The following PEBP4 variants were observed in gnomAD, a reference collection of about 807,000 sequenced individuals.
PEBP4 encodes phosphatidylethanolamine-binding protein 4.
PEBP4 carries 22 observed loss-of-function variants against 23.9 expected under a neutral mutation model. The observed-to-expected ratio is 0.92, with a 90% confidence interval of 0.66 to 1.31. The LOEUF is 1.31. PEBP4 is among the 40% of genes most tolerant of loss of function. PEBP4 has a pLI of 0.00. For missense variants in PEBP4, 324 were observed against 281.7 expected, an observed-to-expected ratio of 1.15 and a Z score of -1.07; for synonymous variants, 112 against 99.3, an observed-to-expected ratio of 1.13 and a Z score of -0.76.
At chr8:22,920,922 T>G (rs1809185868) in intron 2 of PEBP4, among the ~76,000 whole-genome samples, 1 of 152,232 alleles carries the variant, frequency 6.6e-6, no homozygotes. Flanking sequence ...GGTAAAACAC[T>G]GGCTCACTAA....
intron 4 of PEBP4, among the ~76,000 whole-genome samples, chr8:22,763,387 C>T (rs987329692): frequency 6.6e-6 from 1 of 152,244 alleles, no homozygotes; most frequent in African/African-American, 2.4e-5. Flanking sequence ...ATTCTTGGCT[C>T]TGGACACTGC....
rs530177603 is a variant in PEBP4 at position 22,876,136 on chromosome 8, C to T, written c.258+44048G>A. ...ATGTTGCCCAGGCTGGTCTAGAACTCCGGGCCTCAAGTGATACACCAGCCT... is the reference window on the plus strand; with the variant it reads ...ATGTTGCCCAGGCTGGTCTAGAACTTCGGGCCTCAAGTGATACACCAGCCT... On this transcript the variant is annotated intron_variant, in intron 3 of 6. Transcript: ENST00000256404. Among the ~76,000 whole-genome samples the T allele has an allele frequency of 3.3e-5, 5 of 152,258 alleles. No homozygotes were observed. The South Asian group carries it at 1.0e-3, about 32-fold the overall frequency.
intron 1 of PEBP4, among the ~76,000 whole-genome samples, chr8:22,938,074 C>T (rs1809564433): frequency 6.6e-6 from 1 of 151,924 alleles, no homozygotes; most frequent in Non-Finnish European, 1.5e-5. Context: ...AGTAGACTGA[C>T]AAATTGAACT....
chr8:22,890,456 C>T (rs1006505573), intron 3 of PEBP4, among the ~76,000 whole-genome samples: 1 of 152,208 alleles, frequency 6.6e-6, no homozygotes, highest in Admixed American at 6.5e-5. Context: ...GGAAAGACCC[C>T]AAGGTGAAAT....
chr8:22,855,812 G>A (rs559234939), intron 3 of PEBP4, among the ~76,000 whole-genome samples: 30 of 152,034 alleles, frequency 2.0e-4, no homozygotes, highest in African/African-American at 6.3e-4. Flanking sequence ...AGGCCAAAGC[G>A]GAAGAATTGC....
chr8:22,800,918 G>C (rs1014856316), intron 4 of PEBP4, among the ~76,000 whole-genome samples: 3 of 152,036 alleles, frequency 2.0e-5, no homozygotes, highest in Admixed American at 6.6e-5. Context: ...ATGAATATAT[G>C]CCCCCCTTTT....
At chr8:22,832,884 C>T (rs775971323) in intron 3 of PEBP4, among the ~76,000 whole-genome samples, 13 of 152,150 alleles carry the variant, frequency 8.5e-5, no homozygotes, top group African/African-American at 1.2e-4. Context: ...CCACAGCCCC[C>T]ACCCTCACCC....
At chr8:22,925,154 A>G (rs1277551188) in intron 2 of PEBP4, 1 of 985,294 alleles carries the variant, frequency 1.0e-6, no homozygotes, top group African/African-American at 1.7e-5. Context: ...TCTTCCAAAC[A>G]AAAATCTTCA....
intron 4 of PEBP4, among the ~76,000 whole-genome samples, chr8:22,748,751 A>G (rs969186946): frequency 1.8e-4 from 27 of 151,940 alleles, no homozygotes; most frequent in African/African-American, 6.5e-4. Context: ...AATAGAAGAG[A>G]GCCCCCCAGA....
intron 3 of PEBP4, among the ~76,000 whole-genome samples, chr8:22,863,906 C>T (rs1374632060): frequency 1.3e-5 from 2 of 152,170 alleles, no homozygotes; most frequent in Non-Finnish European, 2.9e-5. Flanking sequence ...TGCACGCTGT[C>T]CTCTCCAAGA....
At chr8:22,874,352 C>T (rs952624921) in intron 3 of PEBP4, among the ~76,000 whole-genome samples, 5 of 152,076 alleles carry the variant, frequency 3.3e-5, no homozygotes, top group Admixed American at 6.5e-5. Context: ...AGCAATATCC[C>T]GCACTATAAT....
chr8:22,829,276 C>A (rs1351938380), intron 3 of PEBP4, among the ~76,000 whole-genome samples: 1 of 152,124 alleles, frequency 6.6e-6, no homozygotes. Context: ...AGGTTGGCCC[C>A]ACCCTATATT....
At chr8:22,817,433 G>A (rs1330298368) in intron 4 of PEBP4, among the ~76,000 whole-genome samples, 1 of 152,208 alleles carries the variant, frequency 6.6e-6, no homozygotes, top group Non-Finnish European at 1.5e-5. Context: ...CTAGAAAGCT[G>A]GGTTACCAGC....
At chr8:22,902,260 C>T (rs1343938081) in intron 3 of PEBP4, among the ~76,000 whole-genome samples, 1 of 152,086 alleles carries the variant, frequency 6.6e-6, no homozygotes, top group Non-Finnish European at 1.5e-5. Flanking sequence ...ACCTAGGAGG[C>T]GGAGGTTGCG....
intron 4 of PEBP4, among the ~76,000 whole-genome samples, chr8:22,816,741 A>T (rs763307755): frequency 2.6e-5 from 4 of 152,182 alleles, no homozygotes; most frequent in Non-Finnish European, 5.9e-5. Flanking sequence ...TACAGAGTTG[A>T]TGCCTTTGTA....
At chr8:22,902,917 G>A (rs4872037) in intron 3 of PEBP4, among the ~76,000 whole-genome samples, 22,517 of 152,182 alleles carry the variant, frequency 0.15, 1,930 homozygotes, top group Middle Eastern at 0.21. Flanking sequence ...ATAGCCTTGC[G>A]TTCCCACACG....
Position 22,927,808 on chromosome 8 carries a change from T to A in PEBP4, c.-7+15A>T, listed in dbSNP as rs1354110967. 2 of 1,546,908 alleles carry A rather than the reference T, an allele frequency of 1.3e-6. No individual in the cohort carries two copies. The highest frequency in any genetic ancestry group is 2.8e-5 in the African/African-American group (2 of 72,402). On this transcript the variant is annotated intron_variant, in intron 1 of 6. Transcript: ENST00000256404. The stretch of plus-strand genomic sequence containing the variant: ...GTGCCCCCGACCCCAGGGGCCCACT[T>A]GGCAGGATAGAGACCTCTGGTTAAG...
At chr8:22,769,511 T>C (rs1432318475) in intron 4 of PEBP4, among the ~76,000 whole-genome samples, 2 of 152,150 alleles carry the variant, frequency 1.3e-5, no homozygotes, top group Non-Finnish European at 2.9e-5. Context: ...TGTGCCTCAG[T>C]TTCCTTTCTG....
At chr8:22,915,978 G>A (rs545936681) in intron 3 of PEBP4, among the ~76,000 whole-genome samples, 1 of 152,294 alleles carries the variant, frequency 6.6e-6, no homozygotes, top group East Asian at 1.9e-4. Context: ...GGCCAATGAG[G>A]GCGAGAAGGT....
Sources: gnomAD v4.1 joint callset for allele counts (sites outside exome capture counted in the v4.1 genomes callset) on GRCh38, gnomAD v4.1.1 for gene constraint, MANE v1.5 for transcripts, NCBI Gene and HGNC (gene_info 2026-07-23, HGNC 2026-07-21) for gene names.